The following IL17RD variants were observed in gnomAD, a reference collection of about 807,000 sequenced individuals.
IL17RD encodes the protein interleukin-17 receptor D.
Under a neutral mutation model 80.5 loss-of-function variants are expected in IL17RD, and 52 were observed. The ratio of observed to expected loss-of-function variants is 0.65; its 90% CI spans 0.52 to 0.81. IL17RD has a LOEUF of 0.81. IL17RD is among the 40% of genes least tolerant of loss of function. IL17RD has a pLI of 0.00. For missense variants in IL17RD, 1,024 were observed against 955.1 expected, an observed-to-expected ratio of 1.07 and a Z score of -0.95; for synonymous variants, 416 against 391.8, an observed-to-expected ratio of 1.06 and a Z score of -0.73.
Position 57,095,348 on chromosome 3 carries a change from C to CT in IL17RD, c.*1044dup, listed in dbSNP as rs916176171. 9.9e-5 allele frequency: 15 copies of CT among 152,210 alleles called. No individual in the cohort carries two copies. The highest frequency in any genetic ancestry group is 3.6e-4 in the African/African-American group (15 of 41,452). The allele number at this position is 152,210 out of a possible 1,614,324, so 9.4% of individuals were successfully genotyped here. Reference sequence around the variant, plus strand: ...GTCATTCATAAAAATGGAACATTTACTTTTGTGACTATCACCTCCATTCTA... The same window carrying CT: ...GTCATTCATAAAAATGGAACATTTACTTTTTGTGACTATCACCTCCATTCTA... On this transcript the variant is annotated 3_prime_UTR_variant, in exon 13 of 13. Coordinates refer to ENST00000296318, the MANE Select transcript of IL17RD (RefSeq NM_017563.5).
At chr3:57,101,126 G>C in intron 11 of IL17RD, 53 bp downstream of exon 11, 1 of 1,470,638 alleles carries the variant, frequency 6.8e-7, no homozygotes, top group Non-Finnish European at 9.4e-7. Flanking sequence ...CGGGGAGAGA[G>C]TACAGGGCAA....
At chr3:57,134,057 A>C (rs1016492509) in intron 1 of IL17RD, 1 of 366,852 alleles carries the variant, frequency 2.7e-6, no homozygotes, top group Non-Finnish European at 5.0e-6. Flanking sequence ...TTTTTAAAGG[A>C]AAGTCCAAAG....
chr3:57,138,127 TG>T (rs1282267691), intron 1 of IL17RD, among the ~76,000 whole-genome samples: 2 of 152,204 alleles, frequency 1.3e-5, no homozygotes, highest in Non-Finnish European at 2.9e-5. Context: ...TATTGTTTAA[TG>T]GTTATGGAAT....
Position 57,097,590 on chromosome 3 carries a change from C to A in IL17RD, c.2107+6G>T, listed in dbSNP as rs766714500. On this transcript the variant is annotated splice_donor_region_variant and intron_variant, in intron 12 of 12. Coordinates refer to ENST00000296318, the MANE Select transcript of IL17RD (RefSeq NM_017563.5). ...CTGTTAGGACCCGGCCCCAAAGGCA[C>A]CTTACCCAGGCCTGAAGAGGAGGAC... 6.4e-7 allele frequency: 1 copy of A among 1,565,456 alleles called. No homozygotes were observed. The highest frequency in any genetic ancestry group is 8.7e-7 in the Non-Finnish European group (1 of 1,155,134).
intron 2 of IL17RD, among the ~76,000 whole-genome samples, chr3:57,118,683 G>A (rs775730745): frequency 6.6e-5 from 10 of 152,018 alleles, no homozygotes; most frequent in Non-Finnish European, 1.3e-4. Flanking sequence ...CCTTTTTTGA[G>A]AGAAAGGGCA....
intron 1 of IL17RD, among the ~76,000 whole-genome samples, chr3:57,132,387 G>A (rs1470621160): frequency 6.6e-6 from 1 of 152,120 alleles, no homozygotes; most frequent in African/African-American, 2.4e-5. Context: ...TGGAACCCAG[G>A]AGGCAGAGGT....
rs563540237 is a variant in IL17RD, at chr3:57,163,446, C to T, written c.126+1715G>A. On this transcript the variant is annotated intron_variant, in intron 1 of 12. Transcript: ENST00000296318. ...GCTCCGTCAGGGCACTACCATACCCCACAGCATGGAAACTTCACGAGTTTT... is the reference window on the plus strand; with the variant it reads ...GCTCCGTCAGGGCACTACCATACCCTACAGCATGGAAACTTCACGAGTTTT... 1.8e-3 allele frequency among the ~76,000 whole-genome samples: 274 copies of T among 152,208 alleles called. 2 individuals carry two copies. The highest frequency in any genetic ancestry group is 6.3e-3 in the African/African-American group (263 of 41,542).
rs766646872 is a variant in IL17RD at position 57,146,045 on chromosome 3, G to GCGCACA, written c.126+19115_126+19116insTGTGCG. Among the ~76,000 whole-genome samples the GCGCACA allele has an allele frequency of 5.7e-4, 86 of 151,238 alleles. 1 individual carries two copies. The highest frequency in any genetic ancestry group is 3.1e-3 in the Admixed American group (47 of 15,224). On this transcript the variant is annotated intron_variant, in intron 1 of 12. Coordinates refer to ENST00000296318, the MANE Select transcript of IL17RD (RefSeq NM_017563.5). Reference sequence around the variant, plus strand: ...CACACACACTCACGCGCGCGCGCGCGCACACACACACACACTGATGCATGC... The same window carrying GCGCACA: ...CACACACACTCACGCGCGCGCGCGCGCGCACACACACACACACACACTGATGCATGC...
At chr3:57,169,990 G>A (rs941769709), upstream of IL17RD, among the ~76,000 whole-genome samples, 10 of 152,178 alleles carry the variant, frequency 6.6e-5, no homozygotes, top group African/African-American at 2.2e-4. Flanking sequence ...GGTTCAAACC[G>A]GACCCCGATC....
In IL17RD at chr3:57,096,191, T is replaced by C; in HGVS notation, c.*202A>G. ...TATGGACATGCCTTTCAGAGCTCCA[T>C]ATCATTTTAGAAAATTGGAGAGTTT... On this transcript the variant is annotated 3_prime_UTR_variant, in exon 13 of 13. Coordinates refer to ENST00000296318, the MANE Select transcript of IL17RD (RefSeq NM_017563.5). 1.8e-6 allele frequency: 1 copy of C among 568,660 alleles called. No homozygotes were observed. Among genetic ancestry groups the C allele is most frequent in the Non-Finnish European group, 3.2e-6 (1 of 313,162 alleles). The allele number at this position is 568,660 out of a possible 1,614,324, so 35.2% of individuals were successfully genotyped here. A position where few individuals can be genotyped will look rare whatever the true frequency, so the allele number is the denominator to read the frequency against.
chr3:57,134,325 C>T (rs866327548), intron 1 of IL17RD: 18 of 688,296 alleles, frequency 2.6e-5, no homozygotes, highest in East Asian at 1.4e-4. Flanking sequence ...GGCTTGATGC[C>T]GGGAAAACAC....
chr3:57,153,954 G>A (rs1423096637), intron 1 of IL17RD, among the ~76,000 whole-genome samples: 3 of 152,108 alleles, frequency 2.0e-5, no homozygotes, highest in East Asian at 1.9e-4. Flanking sequence ...TTCAGAAAAC[G>A]TATGCTCTAG....
intron 1 of IL17RD, among the ~76,000 whole-genome samples, chr3:57,151,272 G>C (rs1708054765): frequency 6.6e-6 from 1 of 152,072 alleles, no homozygotes; most frequent in African/African-American, 2.4e-5. Context: ...CCATAAATTT[G>C]AGACTGCTTT....
rs151338200 is a variant in IL17RD at position 57,130,562 on chromosome 3, G to A, written c.127-10249C>T. On this transcript the variant is annotated intron_variant, in intron 1 of 12. Transcript: ENST00000296318. ...TCTCTGCAAGGTCTGGCCTTTCCCA[G>A]AAGCTTTCTGGGGGAGAGGGAAGTA... is the stretch of plus-strand genomic sequence containing the variant. Among the ~76,000 whole-genome samples the A allele has an allele frequency of 1.7e-3, 256 of 152,286 alleles. 1 individual carries two copies. Among genetic ancestry groups the A allele is most frequent in the African/African-American group, 6.0e-3 (251 of 41,554 alleles).
chr3:57,116,890 T>TAAAAAAAAAA (rs35526728), intron 2 of IL17RD, among the ~76,000 whole-genome samples: 1 of 136,388 alleles, frequency 7.3e-6, no homozygotes, highest in African/African-American at 2.8e-5. Flanking sequence ...CCCAAAATAT[T>TAAAAAAAAAA]AAAAAAAAAA....
At chr3:57,156,632 A>G (rs748936098) in intron 1 of IL17RD, among the ~76,000 whole-genome samples, 3 of 152,302 alleles carry the variant, frequency 2.0e-5, no homozygotes, top group Non-Finnish European at 2.9e-5. Context: ...TATTCACTCA[A>G]TGAATGAATG....
intron 1 of IL17RD, among the ~76,000 whole-genome samples, chr3:57,122,740 C>CTTTTTTTTT (rs754491969): frequency 8.5e-6 from 1 of 117,052 alleles, no homozygotes; most frequent in African/African-American, 3.2e-5. Context: ...CCTCAACTGT[C>CTTTTTTTTT]TTTTTTTTTT....
At chr3:57,124,935 G>A (rs1301425410) in intron 1 of IL17RD, among the ~76,000 whole-genome samples, 1 of 152,186 alleles carries the variant, frequency 6.6e-6, no homozygotes, top group East Asian at 1.9e-4. Flanking sequence ...CATCAGAGCT[G>A]CCGCTTGAGA....
At chr3:57,156,609 C>T (rs1054831581) in intron 1 of IL17RD, among the ~76,000 whole-genome samples, 2 of 152,158 alleles carry the variant, frequency 1.3e-5, no homozygotes, top group African/African-American at 2.4e-5. Context: ...ACCTAACACA[C>T]AGAACACACC....
Sources: allele counts gnomAD v4.1 joint callset (sites outside exome capture counted in the v4.1 genomes callset), GRCh38; gene constraint gnomAD v4.1.1; transcripts MANE v1.5; gene names NCBI Gene and HGNC (gene_info 2026-07-23, HGNC 2026-07-21).